SFI1: variants seen among roughly 807,000 people sequenced by gnomAD.
SFI1 encodes protein SFI1 homolog.
In SFI1, 195 loss-of-function variants were observed where a neutral mutation model predicts 207.5. The ratio of observed to expected loss-of-function variants is 0.94; its 90% confidence interval spans 0.84 to 1.06. The LOEUF is 1.06. Ranked by LOEUF, SFI1 falls within the 50% of genes least tolerant of loss-of-function variation. The pLI is 0.00. For synonymous variants in SFI1, 630 were observed against 598.9 expected (o/e 1.05, Z -0.76); for missense variants, 1,634 against 1,588.0 (o/e 1.03, Z -0.49).
chr22:31,580,465 AC>A (rs11347644), intron 12 of SFI1, 101 bp downstream of exon 12: 175,620 of 900,060 alleles, frequency 0.2, 19,338 homozygotes, highest in East Asian at 0.38. Context: ...TTTTAAAAAA[AC>A]TTTTTGTGCT....
intron 1 of SFI1, among the ~76,000 whole-genome samples, chr22:31,498,711 TGA>T (rs2053185039): frequency 6.6e-6 from 1 of 151,580 alleles, no homozygotes; most frequent in Non-Finnish European, 1.5e-5. Context: ...CATGGATAAC[TGA>T]GAGACTCAAG....
At chr22:31,576,261 G>A (rs932036078) in intron 10 of SFI1, among the ~76,000 whole-genome samples, 3 of 151,462 alleles carry the variant, frequency 2.0e-5, no homozygotes, top group African/African-American at 7.3e-5. Context: ...TTGACTTCAG[G>A]TGATCCACCC....
intron 15 of SFI1, among the ~76,000 whole-genome samples, chr22:31,590,723 G>A (rs1050382172): frequency 6.6e-6 from 1 of 151,554 alleles, no homozygotes; most frequent in Admixed American, 6.6e-5. Context: ...GCAAGGTCTC[G>A]AACTCCTGAC....
At chr22:31,593,274 T>A (rs1329720523) in intron 15 of SFI1, among the ~76,000 whole-genome samples, 2 of 130,476 alleles carry the variant, frequency 1.5e-5, no homozygotes, top group Admixed American at 1.5e-4. Flanking sequence ...TCCTCACTTC[T>A]CAGACGGGGC....
rs762234189 is a variant in SFI1 at position 31,534,874 on chromosome 22, C to CTT, written c.338+3758_338+3759dup. 7.9e-5 allele frequency among the ~76,000 whole-genome samples: 11 copies of CTT among 139,974 alleles called. No homozygotes were observed. The South Asian group carries it at 1.3e-3, about 17-fold the overall frequency. The allele number at this position is 139,974 out of a possible 152,430, so 91.8% of individuals were successfully genotyped here. ...TTCTTTCCTCATATAACTTCAAATG[C>CTT]TTTTTTTTTTTTTTCCTGAGACCGC... On this transcript the variant is annotated intron_variant, in intron 4 of 32. Coordinates refer to ENST00000400288, the MANE Select transcript of SFI1 (RefSeq NM_001007467.3).
chr22:31,617,263 GCT>G (rs2071755846), intron 31 of SFI1, among the ~76,000 whole-genome samples, 185 bp downstream of exon 31: 1 of 152,090 alleles, frequency 6.6e-6, no homozygotes, highest in African/African-American at 2.4e-5. Flanking sequence ...CTCCACCATG[GCT>G]CTCTACCCGG....
chr22:31,563,642 G>A (rs987208073), intron 8 of SFI1, among the ~76,000 whole-genome samples: 1 of 152,066 alleles, frequency 6.6e-6, no homozygotes, highest in African/African-American at 2.4e-5. Context: ...CTGGAGTGCA[G>A]TGGCACGATC....
intron 3 of SFI1, 115 bp downstream of exon 3, chr22:31,528,978 C>A: frequency 9.7e-7 from 1 of 1,028,372 alleles, no homozygotes; most frequent in Non-Finnish European, 1.4e-6. Context: ...GATCTTGATG[C>A]CTGTTCTTGG....
At chr22:31,608,132 A>AT (rs1365279956) in intron 22 of SFI1, 99 bp downstream of exon 22, 51 of 873,414 alleles carry the variant, frequency 5.8e-5, no homozygotes, top group Admixed American at 2.1e-5. Flanking sequence ...CTCCTCATAC[A>AT]TGCCAGTTCC....
intron 4 of SFI1, among the ~76,000 whole-genome samples, chr22:31,542,357 G>C (rs896513353): frequency 7.2e-5 from 11 of 151,984 alleles, no homozygotes; most frequent in African/African-American, 2.7e-4. Context: ...GCCGGGCATG[G>C]TGGCACATAC....
At chr22:31,616,685 C>A in intron 29 of SFI1, 60 bp from the exon 30 acceptor site, 1 of 1,500,360 alleles carries the variant, frequency 6.7e-7, no homozygotes, top group Non-Finnish European at 8.9e-7. Flanking sequence ...GACTTGGTGT[C>A]CCCCTCCCTG....
intron 1 of SFI1, among the ~76,000 whole-genome samples, chr22:31,506,982 A>G (rs1282756625): frequency 6.6e-6 from 1 of 152,232 alleles, no homozygotes; most frequent in Non-Finnish European, 1.5e-5. Context: ...TACCATTGAC[A>G]TTCTTCACAG....
intron 22 of SFI1, among the ~76,000 whole-genome samples, chr22:31,609,257 C>T (rs1354468637): frequency 6.6e-6 from 1 of 152,094 alleles, no homozygotes; most frequent in Non-Finnish European, 1.5e-5. Context: ...CTCGGCCTCC[C>T]AAAGTGCTGG....
At chr22:31,541,230 GAC>G (rs200366424) in intron 4 of SFI1, among the ~76,000 whole-genome samples, 2,160 of 152,182 alleles carry the variant, frequency 0.014, 18 homozygotes, top group South Asian at 0.026. Context: ...CCTACAAGAA[GAC>G]ACTTAGTTCT....
chr22:31,591,593 G>C (rs1413335409), intron 15 of SFI1, among the ~76,000 whole-genome samples: 4 of 131,386 alleles, frequency 3.0e-5, no homozygotes, highest in Non-Finnish European at 6.6e-5. Flanking sequence ...GGCCGGGCAG[G>C]GGGGCTGACC....
intron 14 of SFI1, among the ~76,000 whole-genome samples, chr22:31,586,519 G>A (rs1268203924): frequency 6.6e-6 from 1 of 152,186 alleles, no homozygotes; most frequent in Non-Finnish European, 1.5e-5. Flanking sequence ...ACAGGGCATG[G>A]CCTCTTTTTG....
intron 6 of SFI1, among the ~76,000 whole-genome samples, chr22:31,554,637 C>CT (rs202237456): frequency 0.071 from 10,262 of 145,362 alleles, 454 homozygotes; most frequent in Admixed American, 0.15. Context: ...TGGAGCCTCA[C>CT]TTTGTCACCC....
At chr22:31,499,604 C>A (rs766409649) in intron 1 of SFI1, among the ~76,000 whole-genome samples, 3 of 152,080 alleles carry the variant, frequency 2.0e-5, no homozygotes, top group Non-Finnish European at 4.4e-5. Flanking sequence ...GGATTGACTT[C>A]AATTTGAAAG....
intron 10 of SFI1, 98 bp downstream of exon 10, chr22:31,575,490 T>C: frequency 7.8e-7 from 1 of 1,276,822 alleles, no homozygotes; most frequent in South Asian, 1.8e-5. Context: ...TGGGAAACAA[T>C]TGCCAAACGA....
Sources: allele counts gnomAD v4.1 joint callset (sites outside exome capture counted in the v4.1 genomes callset), GRCh38; gene constraint gnomAD v4.1.1; transcripts MANE v1.5; gene names NCBI Gene and HGNC (gene_info 2026-07-23, HGNC 2026-07-21).